Variants in PYHIN1 observed in about 807,000 individuals in gnomAD.
PYHIN1 encodes pyrin and HIN domain-containing protein 1.
PYHIN1 carries 32 observed loss-of-function variants against 43.7 expected under a neutral mutation model. That is an observed-to-expected ratio of 0.73 (90% CI 0.55 to 0.98). PYHIN1 has a LOEUF of 0.98. PYHIN1 is among the 50% of genes least tolerant of loss of function. The pLI is 0.00. For missense variants in PYHIN1, 588 were observed against 589.5 expected (o/e 1.00, Z 0.03); for synonymous variants, 205 against 203.1 (o/e 1.01, Z -0.08).
At chr1:158,972,314 C>T (rs1269166157) in intron 7 of PYHIN1, among the ~76,000 whole-genome samples, 1 of 151,970 alleles carries the variant, frequency 6.6e-6, no homozygotes, top group African/African-American at 2.4e-5. Flanking sequence ...CTTTATTATA[C>T]TTAAAGGGAT....
chr1:158,975,405 G>C (rs1417793852), intron 8 of PYHIN1, among the ~76,000 whole-genome samples: 1 of 151,920 alleles, frequency 6.6e-6, no homozygotes, highest in Non-Finnish European at 1.5e-5. Context: ...TTACTATATG[G>C]GAAAAAACGA....
chr1:158,959,465 T>A (rs574107020), intron 7 of PYHIN1, among the ~76,000 whole-genome samples: 1 of 152,308 alleles, frequency 6.6e-6, no homozygotes, highest in South Asian at 2.1e-4. Context: ...AACAAGCTAT[T>A]TAGATAAACT....
chr1:158,987,269 C>A, the PYHIN1 span, among the ~76,000 whole-genome samples: 1 of 152,126 alleles, frequency 6.6e-6, no homozygotes, highest in African/African-American at 2.4e-5. Flanking sequence ...TGGGTATAAC[C>A]AACCCAGTGG....
chr1:158,968,886 G>A (rs1034658533), intron 7 of PYHIN1, among the ~76,000 whole-genome samples: 3 of 149,790 alleles, frequency 2.0e-5, no homozygotes, highest in Admixed American at 2.0e-4. Context: ...AGACACTGGC[G>A]CCTACTTGAA....
chr1:158,979,715 G>A (rs856135), downstream of PYHIN1, among the ~76,000 whole-genome samples: 100,172 of 151,990 alleles, frequency 0.66, 35,645 homozygotes, highest in Non-Finnish European at 0.79. Flanking sequence ...GGGTCATATG[G>A]TATTCATATT....
At chr1:158,967,889 A>G (rs948227582) in intron 7 of PYHIN1, among the ~76,000 whole-genome samples, 2 of 152,084 alleles carry the variant, frequency 1.3e-5, no homozygotes, top group African/African-American at 2.4e-5. Context: ...CTGGCTAGCC[A>G]TATGCAGAAG....
At chr1:158,946,226 T>G (rs1204311713) in intron 7 of PYHIN1, among the ~76,000 whole-genome samples, 1 of 152,228 alleles carries the variant, frequency 6.6e-6, no homozygotes, top group Non-Finnish European at 1.5e-5. Flanking sequence ...TAGAGTCCTC[T>G]CATTCTTCTC....
chr1:158,956,458 T>A lies in PYHIN1; in HGVS notation c.1359+11416T>A, dbSNP rs61828978. 8.9e-3 allele frequency among the ~76,000 whole-genome samples: 1,348 copies of A among 151,536 alleles called. 10 individuals carry two copies. Among genetic ancestry groups the A allele is most frequent in the Admixed American group, 0.014 (219 of 15,254 alleles). On this transcript the variant is annotated intron_variant, in intron 7 of 8. Coordinates refer to ENST00000368140, the MANE Select transcript of PYHIN1 (RefSeq NM_152501.5). ...GCAAGGCTGGTTCAATATATGCAAA[T>A]CAATAAATGTAATCCAGCATATAAA...
intron 1 of PYHIN1, 103 bp from the exon 2 acceptor site, chr1:158,936,788 A>G (rs1648569345): frequency 1.4e-6 from 1 of 692,036 alleles, no homozygotes; most frequent in Admixed American, 3.8e-5. Flanking sequence ...AACTGGCACA[A>G]TGAACAACTC....
intron 7 of PYHIN1, among the ~76,000 whole-genome samples, chr1:158,966,149 A>G (rs1650620148): frequency 6.6e-6 from 1 of 152,176 alleles, no homozygotes; most frequent in Non-Finnish European, 1.5e-5. Flanking sequence ...ATTCCTAGAC[A>G]CATACAACCT....
rs1387208407 is a variant in PYHIN1 at position 158,973,730 on chromosome 1, TGACAC to T, written c.1444_1448del (p.Asp482PhefsTer21). The T allele has an allele frequency of 1.2e-6, 2 of 1,613,100 alleles. No homozygotes were observed. Among genetic ancestry groups the T allele is most frequent in the Non-Finnish European group, 1.7e-6 (2 of 1,179,494 alleles). On this transcript the variant is annotated frameshift_variant, in exon 8 of 9. Coordinates refer to ENST00000368140, the MANE Select transcript of PYHIN1 (RefSeq NM_152501.5). LOFTEE classifies it high-confidence loss of function. Reference sequence around the variant, plus strand: ...CAACTGTGGCCCCTCCTCTTTCTTCTGACACTTCCACCAACCGCCATCCAGCAGTT... The same window carrying T: ...CAACTGTGGCCCCTCCTCTTTCTTCTTTCCACCAACCGCCATCCAGCAGTT...
At chr1:158,985,027 C>A in the PYHIN1 span, among the ~76,000 whole-genome samples, 6 of 152,032 alleles carry the variant, frequency 3.9e-5, no homozygotes, top group Non-Finnish European at 7.4e-5. Context: ...TTCCTCCATC[C>A]ATTTAATTTA....
intron 7 of PYHIN1, among the ~76,000 whole-genome samples, chr1:158,960,901 G>A (rs933540140): frequency 6.6e-6 from 1 of 152,150 alleles, no homozygotes; most frequent in African/African-American, 2.4e-5. Flanking sequence ...AGTAACTCAA[G>A]ATGTTTTTGT....
At chr1:158,949,381 G>C (rs1388929050) in intron 7 of PYHIN1, among the ~76,000 whole-genome samples, 2 of 151,954 alleles carry the variant, frequency 1.3e-5, no homozygotes, top group Non-Finnish European at 1.5e-5. Context: ...TTTTTGTTTT[G>C]TTTTGTTTTT....
chr1:158,953,033 C>T (rs777293494), intron 7 of PYHIN1, among the ~76,000 whole-genome samples: 2 of 152,214 alleles, frequency 1.3e-5, no homozygotes, highest in Non-Finnish European at 2.9e-5. Flanking sequence ...CCGAATATTG[C>T]GCTTTTCGGA....
chr1:158,973,862 C>A, intron 8 of PYHIN1, 91 bp downstream of exon 8: 2 of 1,355,456 alleles, frequency 1.5e-6, no homozygotes, highest in East Asian at 2.4e-5. Context: ...TAAATTCTGA[C>A]TATATATTAT....
intron 7 of PYHIN1, among the ~76,000 whole-genome samples, chr1:158,946,086 A>G (rs1405805195): frequency 6.6e-6 from 1 of 152,230 alleles, no homozygotes; most frequent in Non-Finnish European, 1.5e-5. Context: ...TTTATTTTAC[A>G]AATTTCAGAA....
At chr1:158,983,129 T>C in the PYHIN1 span, among the ~76,000 whole-genome samples, 1 of 150,726 alleles carries the variant, frequency 6.6e-6, no homozygotes, top group African/African-American at 2.4e-5. Flanking sequence ...GGACGTCTTT[T>C]ATTTTTTTTT....
chr1:158,961,658 G>T (rs753158438), intron 7 of PYHIN1, among the ~76,000 whole-genome samples: 1 of 152,116 alleles, frequency 6.6e-6, no homozygotes, highest in Non-Finnish European at 1.5e-5. Context: ...AGTCTCTGGG[G>T]ACCCATACTT....
Sources: gnomAD v4.1 joint callset for allele counts (sites outside exome capture counted in the v4.1 genomes callset) on GRCh38, gnomAD v4.1.1 for gene constraint, MANE v1.5 for transcripts, NCBI Gene and HGNC (gene_info 2026-07-23, HGNC 2026-07-21) for gene names.